Variants in ARHGAP24 observed in about 807,000 individuals in gnomAD.
ARHGAP24 encodes the protein Rho GTPase activating protein 24, also known as rho GTPase-activating protein 24.
A neutral mutation model predicts 76.4 loss-of-function variants in ARHGAP24; 50 were observed. The ratio of observed to expected loss-of-function variants is 0.65; its 90% CI spans 0.52 to 0.83. The LOEUF (loss-of-function observed/expected upper bound fraction) is 0.83. Ranked by LOEUF, ARHGAP24 falls within the 40% of genes least tolerant of loss-of-function variation. The pLI, the probability that ARHGAP24 is intolerant of heterozygous loss-of-function variation, is 0.00. For synonymous variants in ARHGAP24, 345 were observed against 323.3 expected, an observed-to-expected ratio of 1.07 and a Z score of -0.72; for missense variants, 930 against 914.2, an observed-to-expected ratio of 1.02 and a Z score of -0.22.
intron 3 of ARHGAP24, among the ~76,000 whole-genome samples, chr4:85,786,816 A>G (rs1258515879): frequency 6.6e-6 from 1 of 152,114 alleles, no homozygotes; most frequent in Admixed American, 6.5e-5. Flanking sequence ...TCACCTTTGT[A>G]TGGTTTGCCA....
chr4:85,582,726 T>A (rs928825624), intron 2 of ARHGAP24, among the ~76,000 whole-genome samples: 1 of 152,074 alleles, frequency 6.6e-6, no homozygotes, highest in Non-Finnish European at 1.5e-5. Flanking sequence ...CACAACCTAG[T>A]ATTACCGGGG....
intron 5 of ARHGAP24, among the ~76,000 whole-genome samples, chr4:85,943,280 A>T (rs1737055133): frequency 6.6e-6 from 1 of 152,194 alleles, no homozygotes; most frequent in Admixed American, 6.5e-5. Flanking sequence ...ATAACAAAAT[A>T]TCATAAATGG....
chr4:85,513,387 C>T (rs140013107), intron 1 of ARHGAP24, among the ~76,000 whole-genome samples: 2,128 of 152,150 alleles, frequency 0.014, 12 homozygotes, highest in Non-Finnish European at 0.024. Context: ...TTTCAGTGTC[C>T]TTTTTGGCCC....
At chr4:85,556,304 A>G (rs917200542) in intron 1 of ARHGAP24, among the ~76,000 whole-genome samples, 2 of 152,186 alleles carry the variant, frequency 1.3e-5, no homozygotes, top group Admixed American at 6.5e-5. Context: ...TCACCTCCCC[A>G]GGGAAACACA....
At position 85,605,789 on chromosome 4, in the gene ARHGAP24, T is replaced by A. The variant is rs570502015; in HGVS notation, c.180+35068T>A. Among the ~76,000 whole-genome samples, 5 of 152,326 alleles carry A rather than the reference T, an allele frequency of 3.3e-5. No individual in the cohort carries two copies. In the South Asian group the frequency reaches 1.0e-3, roughly 32 times the overall value. ...GAGATTTAAGTTTTCTTCTGTGTGT[T>A]TTTCTGTGCATTTCTCAATTTCTAC... is the stretch of plus-strand genomic sequence containing the variant. On this transcript the variant is annotated intron_variant, in intron 2 of 9. Transcript: ENST00000395184.
chr4:85,508,031 C>T (rs946794152), intron 1 of ARHGAP24, among the ~76,000 whole-genome samples: 1 of 149,280 alleles, frequency 6.7e-6, no homozygotes, highest in Non-Finnish European at 1.5e-5. Context: ...TTTATATCTC[C>T]TTTGCCTTTT....
At chr4:85,958,212 A>G (rs1738036896) in intron 5 of ARHGAP24, among the ~76,000 whole-genome samples, 1 of 152,176 alleles carries the variant, frequency 6.6e-6, no homozygotes, top group Non-Finnish European at 1.5e-5. Context: ...ATTTCCTCAT[A>G]TAAAATAGAA....
intron 5 of ARHGAP24, among the ~76,000 whole-genome samples, chr4:85,968,385 A>G (rs986720592): frequency 6.6e-6 from 1 of 152,164 alleles, no homozygotes; most frequent in Non-Finnish European, 1.5e-5. Flanking sequence ...CACTTTGGTG[A>G]AGACTGAAAT....
chr4:85,491,448 T>A (rs1723353678), intron 1 of ARHGAP24, among the ~76,000 whole-genome samples: 2 of 152,216 alleles, frequency 1.3e-5, no homozygotes. Flanking sequence ...TTACTGTTCT[T>A]GGACTTTTTC....
chr4:85,934,374 T>C (rs1342479285), intron 4 of ARHGAP24, among the ~76,000 whole-genome samples: 1 of 152,230 alleles, frequency 6.6e-6, no homozygotes, highest in Admixed American at 6.5e-5. Context: ...TTTCCTCTGC[T>C]ATGATGCTTT....
chr4:85,743,756 C>CTG (rs1725922125), intron 3 of ARHGAP24, among the ~76,000 whole-genome samples: 1 of 152,054 alleles, frequency 6.6e-6, no homozygotes, highest in Admixed American at 6.6e-5. Context: ...CTATGTTATC[C>CTG]TGGCTCCCTC....
chr4:85,479,933 G>A (rs1325930772), intron 1 of ARHGAP24, among the ~76,000 whole-genome samples: 1 of 152,152 alleles, frequency 6.6e-6, no homozygotes, highest in East Asian at 1.9e-4. Flanking sequence ...GAAAGCTCAA[G>A]TTCCTCCTTA....
chr4:85,564,411 G>GAA (rs539138469), intron 1 of ARHGAP24, among the ~76,000 whole-genome samples: 1 of 148,022 alleles, frequency 6.8e-6, no homozygotes, highest in African/African-American at 2.6e-5. Context: ...GGGGAGCGGG[G>GAA]GGGATAGCAT....
At chr4:85,521,145 A>T (rs17387344) in intron 1 of ARHGAP24, among the ~76,000 whole-genome samples, 39,711 of 152,058 alleles carry the variant, frequency 0.26, 6,769 homozygotes, top group East Asian at 0.79. Flanking sequence ...GCCCAGTTAA[A>T]TGGTCTTTTT....
At chr4:85,594,738 C>T (rs918223704) in intron 2 of ARHGAP24, among the ~76,000 whole-genome samples, 2 of 151,928 alleles carry the variant, frequency 1.3e-5, no homozygotes, top group Admixed American at 6.6e-5. Flanking sequence ...CTTTTGTAGC[C>T]CCATAAAAAT....
intron 2 of ARHGAP24, among the ~76,000 whole-genome samples, chr4:85,669,253 T>C (rs2110000186): frequency 6.6e-6 from 1 of 152,188 alleles, no homozygotes; most frequent in East Asian, 1.9e-4. Context: ...AGAAACAACA[T>C]GATGTTATGT....
At chr4:85,487,476 C>T (rs1487853748) in intron 1 of ARHGAP24, among the ~76,000 whole-genome samples, 4 of 96,452 alleles carry the variant, frequency 4.1e-5, no homozygotes, top group Non-Finnish European at 3.7e-5. Flanking sequence ...ATATTTATTA[C>T]ATATTATATA....
At chr4:85,879,601 T>C (rs1191133806) in intron 3 of ARHGAP24, among the ~76,000 whole-genome samples, 2 of 152,046 alleles carry the variant, frequency 1.3e-5, no homozygotes, top group Non-Finnish European at 2.9e-5. Flanking sequence ...AAATAATTTG[T>C]TAAGACAGCA....
At chr4:85,487,322 T>A (rs1186925480) in intron 1 of ARHGAP24, among the ~76,000 whole-genome samples, 1 of 120,048 alleles carries the variant, frequency 8.3e-6, no homozygotes, top group African/African-American at 3.3e-5. Context: ...ATAAAATATA[T>A]ATTTATTATA....
Sources: allele counts gnomAD v4.1 joint callset (sites outside exome capture counted in the v4.1 genomes callset), GRCh38; gene constraint gnomAD v4.1.1; transcripts MANE v1.5; gene names NCBI Gene and HGNC (gene_info 2026-07-23, HGNC 2026-07-21).